STAG3: variants seen among roughly 807,000 people sequenced by gnomAD.
The protein encoded by STAG3 is cohesin subunit SA-3.
Under a neutral mutation model 160.7 loss-of-function variants are expected in STAG3, and 101 were observed. That is an observed-to-expected ratio of 0.63 (90% CI 0.54 to 0.74). The LOEUF (loss-of-function observed/expected upper bound fraction) is 0.74. STAG3 is among the 30% of genes least tolerant of loss of function. The probability of loss-of-function intolerance (pLI) is 0.00; values close to 1 mark genes in which losing one functional copy is unlikely to be tolerated. For missense variants in STAG3, 1,188 were observed against 1,517.4 expected (o/e 0.78, Z 3.61); for synonymous variants, 519 against 585.0 (o/e 0.89, Z 1.63).
At chr7:100,216,135 A>G (rs191254820), downstream of STAG3, among the ~76,000 whole-genome samples, 1 of 152,276 alleles carries the variant, frequency 6.6e-6, no homozygotes, top group African/African-American at 2.4e-5. Flanking sequence ...GAGCAGAGAC[A>G]GCCCATCTTT....
chr7:100,200,607 T>C lies in STAG3; in HGVS notation c.1860+65T>C. 2.5e-6 allele frequency: 4 copies of C among 1,571,286 alleles called. No individual in the cohort carries two copies. The South Asian group carries it at 4.5e-5, about 18-fold the overall frequency. Reference sequence around the variant, plus strand: ...CAGGGCCAAAGGGTTCTATTGCCAGTATCTTTTTTTCCTAAGAACTTGGGT... The same window carrying C: ...CAGGGCCAAAGGGTTCTATTGCCAGCATCTTTTTTTCCTAAGAACTTGGGT... On this transcript the variant is annotated intron_variant, in intron 18 of 33. Transcript: ENST00000615138.
In STAG3 at chr7:100,211,027, C is replaced by G; in HGVS notation, c.3255C>G (p.Asn1085Lys). The change falls in exon 30 of 34, where the codon AAC (asparagine) becomes AAG (lysine). Residue 1085 changes from asparagine to lysine, a missense_variant. By Grantham distance (94) the Asn-to-Lys change is moderately conservative. This residue lies in a region of STAG3 where 647 missense variants were observed against 717.2 expected (regional missense o/e 0.90). Coordinates refer to ENST00000615138, the MANE Select transcript of STAG3 (RefSeq NM_001282717.2). ...GCTTGGCAGGGCCTGCCAAGCCTAACAGAGAGGACGTCTCCTCGTCCCAGG... is the reference window on the plus strand; with the variant it reads ...GCTTGGCAGGGCCTGCCAAGCCTAAGAGAGAGGACGTCTCCTCGTCCCAGG... ...RRRVEGPAKP[N>K]REDVSSSQEE... is the part of the protein sequence containing the mutation. 6.2e-7 allele frequency: 1 copy of G among 1,613,834 alleles called. No homozygotes were observed. Among genetic ancestry groups the G allele is most frequent in the Non-Finnish European group, 8.5e-7 (1 of 1,179,948 alleles).
At chr7:100,215,986 T>G (rs1802717672), downstream of STAG3, among the ~76,000 whole-genome samples, 1 of 152,152 alleles carries the variant, frequency 6.6e-6, no homozygotes, top group Non-Finnish European at 1.5e-5. Context: ...AAAGGCCACG[T>G]GTAGGTGTTC....
chr7:100,198,963 A>G lies in STAG3; in HGVS notation c.1467+6A>G, dbSNP rs1290013921. 3.1e-6 allele frequency: 5 copies of G among 1,610,380 alleles called. No individual in the cohort carries two copies. Among genetic ancestry groups the G allele is most frequent in the African/African-American group, 1.3e-5 (1 of 74,532 alleles). On this transcript the variant is annotated splice_donor_region_variant and intron_variant, in intron 14 of 33. Coordinates refer to ENST00000615138, the MANE Select transcript of STAG3 (RefSeq NM_001282717.2). ...CCTTCTTTGTGGAGAGCGAGGTGAC[A>G]TACACAGAGAGAAGTCTGGCTGTTG...
rs1411924181 is a variant in STAG3, at chr7:100,178,025, C to T, written c.-65+20C>T. The T allele has an allele frequency of 6.6e-6, 1 of 151,854 alleles. No individual in the cohort carries two copies. Among genetic ancestry groups the T allele is most frequent in the Non-Finnish European group, 1.5e-5 (1 of 68,046 alleles). 9.4% of individuals were successfully genotyped at this position (151,854 alleles called of 1,614,324 possible). ...CCTGAGGTGGGGACCTTCCCTGAACCCTGCTCGGCCAGAAGTCACTCTTCC... is the reference window on the plus strand; with the variant it reads ...CCTGAGGTGGGGACCTTCCCTGAACTCTGCTCGGCCAGAAGTCACTCTTCC... On this transcript the variant is annotated intron_variant, in intron 1 of 33. Transcript: ENST00000615138.
Position 100,207,803 on chromosome 7 carries a change from C to T in STAG3, c.3238+2419C>T, listed in dbSNP as rs922787131. On this transcript the variant is annotated intron_variant, in intron 29 of 33. Transcript: ENST00000615138. This position sits in a 1 kb window ranked among gnomAD's most constrained non-coding sequence, Gnocchi z 4.0. ...TAATTCATGAGGTCACAAAGATTTA[C>T]TCCTGTGTTTTCTTCTAAGAGTTAT... 6.6e-6 allele frequency among the ~76,000 whole-genome samples: 1 copy of T among 152,172 alleles called. No homozygotes were observed. Among genetic ancestry groups the T allele is most frequent in the Non-Finnish European group, 1.5e-5 (1 of 68,036 alleles).
At chr7:100,190,535 C>G (rs1437938265) in intron 8 of STAG3, among the ~76,000 whole-genome samples, 1 of 152,218 alleles carries the variant, frequency 6.6e-6, no homozygotes, top group South Asian at 2.1e-4. Flanking sequence ...TACACTAGTG[C>G]GAATCTTTTC....
rs200733569 is a variant in STAG3 at position 100,205,134 on chromosome 7, G to A, written c.3080+1G>A. On this transcript the variant is annotated splice_donor_variant, in intron 28 of 33. Transcript: ENST00000615138. LOFTEE classifies it high-confidence loss of function. ...TCTTCCATCAGGACAAGCAGCTTTT[G>A]TAAGTTGGTGGGTGGATAGAGATGT... 2 of 1,614,026 alleles carry A rather than the reference G, an allele frequency of 1.2e-6. No individual in the cohort carries two copies. Among genetic ancestry groups the A allele is most frequent in the Admixed American group, 1.7e-5 (1 of 60,002 alleles).
chr7:100,211,877 G>T lies in STAG3; in HGVS notation c.3600+1G>T, dbSNP rs1329763066. On this transcript the variant is annotated splice_donor_variant, in intron 32 of 33. Transcript: ENST00000615138. LOFTEE classifies it high-confidence loss of function. ...TGAAGAACGGCAGGATACAGACATG[G>T]TGAGTAGACCACCCTGCCCTTCTCT... 6.2e-7 allele frequency: 1 copy of T among 1,613,790 alleles called. No individual in the cohort carries two copies. Among genetic ancestry groups the T allele is most frequent in the African/African-American group, 1.3e-5 (1 of 74,908 alleles).
intron 14 of STAG3, 38 bp from the exon 15 acceptor site, chr7:100,199,224 C>A: frequency 7.2e-7 from 1 of 1,379,826 alleles, no homozygotes; most frequent in Non-Finnish European, 1.0e-6. Context: ...GTATTTTTAA[C>A]ATGCTATCAT....
At position 100,205,089 on chromosome 7, in the gene STAG3, T is replaced by A; in HGVS notation, c.3036T>A (p.Leu1012=). ...CAAATCTGGCATTCCTGGAGCTCCTTTCAGAGTTTTCCCCCCGACTCTTCC... is the reference window on the plus strand; with the variant it reads ...CAAATCTGGCATTCCTGGAGCTCCTATCAGAGTTTTCCCCCCGACTCTTCC... ...QPPNLAFLEL[L]SEFSPRLFHQ... The change falls in exon 28 of 34, where the codon CTT becomes CTA. Residue 1012 remains leucine, a synonymous_variant. Transcript: ENST00000615138. 2.5e-6 allele frequency: 4 copies of A among 1,614,168 alleles called. No homozygotes were observed. The highest frequency in any genetic ancestry group is 3.4e-6 in the Non-Finnish European group (4 of 1,180,032).
At position 100,207,115 on chromosome 7, in the gene STAG3, ATTC is replaced by A. The variant is rs1232701724; in HGVS notation, c.3238+1733_3238+1735del. On this transcript the variant is annotated intron_variant, in intron 29 of 33. Coordinates refer to ENST00000615138, the MANE Select transcript of STAG3 (RefSeq NM_001282717.2). This position sits in a 1 kb window ranked among gnomAD's most constrained non-coding sequence, Gnocchi z 4.0. ...ATATGCCATCGTGTGGATATGCCAC[ATTC>A]TACTTATCCACTTGTCAGTTGATTG... Among the ~76,000 whole-genome samples the A allele has an allele frequency of 1.3e-5, 2 of 152,236 alleles. No homozygotes were observed. Among genetic ancestry groups the A allele is most frequent in the African/African-American group, 4.8e-5 (2 of 41,456 alleles).
At chr7:100,213,694 T>A in intron 32 of STAG3, 41 bp from the exon 33 acceptor site, 8 of 1,613,566 alleles carry the variant, frequency 5.0e-6, no homozygotes, top group Non-Finnish European at 5.9e-6. Context: ...GTGACAGGAG[T>A]GTGTAAAGGC....
intron 1 of STAG3, 48 bp downstream of exon 1, chr7:100,178,053 G>C (rs978443125): frequency 7.4e-6 from 1 of 134,686 alleles, no homozygotes; most frequent in Admixed American, 8.5e-5. Flanking sequence ...ACTCTTCCAG[G>C]CTCTGACAGG....
rs1584760819 is a variant in STAG3, at chr7:100,206,871, A to G, written c.3238+1487A>G. ...CATTTTCATCTTTCCAAAAGAAACC[A>G]CATACCCATTCGCAGTCTCTGCCCA... On this transcript the variant is annotated intron_variant, in intron 29 of 33. Coordinates refer to ENST00000615138, the MANE Select transcript of STAG3 (RefSeq NM_001282717.2). Among the ~76,000 whole-genome samples the G allele has an allele frequency of 2.0e-5, 3 of 152,308 alleles. No homozygotes were observed. The East Asian group carries it at 5.8e-4, about 29-fold the overall frequency.
chr7:100,199,432 G>A, intron 15 of STAG3, 65 bp downstream of exon 15: 1 of 1,560,388 alleles, frequency 6.4e-7, no homozygotes, highest in Non-Finnish European at 8.8e-7. Context: ...GGGAGGGATT[G>A]CTTGCTTCAC....
Position 100,204,690 on chromosome 7 carries a change from G to A in STAG3, c.2866G>A (p.Glu956Lys), listed in dbSNP as rs1258690483. The change falls in exon 27 of 34, where the codon GAG (glutamate) becomes AAG (lysine). Residue 956 changes from glutamate (E) to lysine (K), a missense_variant. Glu to Lys is a moderately conservative substitution (Grantham distance 56, BLOSUM62 1). Transcript: ENST00000615138. ...CCTGAATGAGCTTCCTGCCTTCATCGAGATGAGGGACCTGGCCCGGAGGTT... is the reference window on the plus strand; with the variant it reads ...CCTGAATGAGCTTCCTGCCTTCATCAAGATGAGGGACCTGGCCCGGAGGTT... ...QGLNELPAFIEMRDLARRFAL... is the reference protein window; with the variant it reads ...QGLNELPAFIKMRDLARRFAL... 9.3e-6 allele frequency: 15 copies of A among 1,613,974 alleles called. No homozygotes were observed. The highest frequency in any genetic ancestry group is 1.1e-5 in the Non-Finnish European group (13 of 1,180,002).
At position 100,200,256 on chromosome 7, in the gene STAG3, C is replaced by G. The variant is rs200304558; in HGVS notation, c.1698C>G (p.Arg566=). The part of the protein sequence containing the change: ...TGRKGLTSKE[R]KTQADDRVKL... ...TCCAGGGCTTAACCTCTAAGGAGCGCAAGACCCAAGCCGATGACAGGGTGA... is the reference window on the plus strand; with the variant it reads ...TCCAGGGCTTAACCTCTAAGGAGCGGAAGACCCAAGCCGATGACAGGGTGA... The change falls in exon 17 of 34, where the codon CGC becomes CGG. Residue 566 remains arginine, a synonymous_variant. Coordinates refer to ENST00000615138, the MANE Select transcript of STAG3 (RefSeq NM_001282717.2). The G allele has an allele frequency of 2.5e-6, 4 of 1,612,494 alleles. No individual in the cohort carries two copies. The highest frequency in any genetic ancestry group is 3.4e-6 in the Non-Finnish European group (4 of 1,179,818).
At chr7:100,188,780 C>G (rs1271384793) in intron 6 of STAG3, 32 bp from the exon 7 acceptor site, 1 of 1,610,540 alleles carries the variant, frequency 6.2e-7, no homozygotes, top group Non-Finnish European at 8.5e-7. Context: ...CTGGTAATAA[C>G]TTTCCCATCC....
Sources: gnomAD v4.1 joint callset for allele counts (sites outside exome capture counted in the v4.1 genomes callset) on GRCh38, gnomAD v4.1.1 for gene constraint, gnomAD v4.1.1 regional missense constraint, Gnocchi (gnomAD v3.1) non-coding constraint, MANE v1.5 for transcripts, NCBI Gene and HGNC (gene_info 2026-07-23, HGNC 2026-07-21) for gene names.